Variants in SLC25A26 observed in about 807,000 individuals in gnomAD.
The protein encoded by SLC25A26 is mitochondrial S-adenosylmethionine carrier protein.
A neutral mutation model predicts 37.8 loss-of-function variants in SLC25A26; 36 were observed. The ratio of observed to expected loss-of-function variants is 0.95; its 90% CI spans 0.73 to 1.26. The LOEUF (loss-of-function observed/expected upper bound fraction) is 1.26, where lower values mean the gene tolerates loss of function less well. Ranked by LOEUF, SLC25A26 falls within the 50% of genes most tolerant of loss-of-function variation. The pLI is 0.00. For synonymous variants in SLC25A26, 129 were observed against 122.5 expected (o/e 1.05, Z -0.35); for missense variants, 390 against 331.1 (o/e 1.18, Z -1.38).
chr3:66,216,444 G>A (rs1321983323), upstream of SLC25A26, among the ~76,000 whole-genome samples: 3 of 152,124 alleles, frequency 2.0e-5, no homozygotes, highest in Non-Finnish European at 4.4e-5. Flanking sequence ...CCCGGAGGTT[G>A]AGGCTGCAGT....
intron 5 of SLC25A26, among the ~76,000 whole-genome samples, chr3:66,287,029 G>T (rs1000662846): frequency 2.0e-5 from 3 of 152,132 alleles, no homozygotes; most frequent in Non-Finnish European, 1.5e-5. Context: ...GGGTGCGGTG[G>T]CTCACGCCTG....
At chr3:66,305,446 A>G (rs1404052554) in intron 5 of SLC25A26, among the ~76,000 whole-genome samples, 4 of 152,102 alleles carry the variant, frequency 2.6e-5, no homozygotes, top group African/African-American at 9.7e-5. Flanking sequence ...AAGGACTTTT[A>G]TTTATTTATT....
At chr3:66,222,030 GATAA>G (rs1279148825) in intron 1 of SLC25A26, among the ~76,000 whole-genome samples, 1 of 152,004 alleles carries the variant, frequency 6.6e-6, no homozygotes, top group Non-Finnish European at 1.5e-5. Flanking sequence ...TGACTGTTGG[GATAA>G]ATAACAGGTG....
At chr3:66,230,894 A>T (rs564321982) in intron 1 of SLC25A26, among the ~76,000 whole-genome samples, 1 of 150,616 alleles carries the variant, frequency 6.6e-6, no homozygotes, top group East Asian at 2.0e-4. Flanking sequence ...TTAGGAAACA[A>T]CTGGGTGCAG....
At chr3:66,291,395 A>G (rs2074702189) in intron 5 of SLC25A26, among the ~76,000 whole-genome samples, 1 of 152,060 alleles carries the variant, frequency 6.6e-6, no homozygotes, top group African/African-American at 2.4e-5. Context: ...TTGTGATGTT[A>G]GCATGTCTAT....
At chr3:66,220,129 T>A (rs2106858734), upstream of SLC25A26, among the ~76,000 whole-genome samples, 1 of 152,352 alleles carries the variant, frequency 6.6e-6, no homozygotes. Flanking sequence ...GGGCATTAAG[T>A]ATATTTTCAG....
chr3:66,186,282 CATG>C lies in SLC25A26; in HGVS notation c.-353-34457_-353-34455del, dbSNP rs1468605745. On this transcript the variant is annotated intron_variant, in intron 1 of 10. Coordinates refer to the SLC25A26 transcript ENST00000676754. The stretch of plus-strand genomic sequence containing the variant: ...AACCTTTCATACTGACTGTCATCAT[CATG>C]ATATTATCTCACTCTGACCCTGACC... 1.6e-4 allele frequency among the ~76,000 whole-genome samples: 25 copies of C among 152,006 alleles called. No individual in the cohort carries two copies. In the South Asian group the frequency reaches 4.0e-3, roughly 24 times the overall value.
chr3:66,262,924 A>T (rs554421634), intron 4 of SLC25A26, among the ~76,000 whole-genome samples: 1 of 152,214 alleles, frequency 6.6e-6, no homozygotes, highest in African/African-American at 2.4e-5. Context: ...ATACAAAAGG[A>T]TAATTGGCAT....
Position 66,369,487 on chromosome 3 carries a change from C to T in SLC25A26, c.578C>T (p.Ala193Val), listed in dbSNP as rs577577580. 6.2e-7 allele frequency: 1 copy of T among 1,603,092 alleles called. No individual in the cohort carries two copies. Among genetic ancestry groups the T allele is most frequent in the Non-Finnish European group, 8.5e-7 (1 of 1,174,872 alleles). ...AVCGAFAGGF[A>V]AAVTTPLDVA... ...GGTATTATTTGTACAGGTGGATTTG[C>T]CGCTGCAGTCACCACCCCTCTAGAC... Residue 193 changes from alanine to valine, a missense_variant, in exon 8 of 10, where the codon GCC (alanine) becomes GTC (valine). Transcript: ENST00000354883.
At chr3:66,351,947 TC>T (rs1340267247) in intron 6 of SLC25A26, among the ~76,000 whole-genome samples, 2 of 152,094 alleles carry the variant, frequency 1.3e-5, no homozygotes, top group Non-Finnish European at 2.9e-5. Context: ...GCCAGAGTGA[TC>T]TTTTAAAGAA....
At chr3:66,162,927 T>A (rs2070380147) in intron 1 of SLC25A26, among the ~76,000 whole-genome samples, 1 of 152,190 alleles carries the variant, frequency 6.6e-6, no homozygotes, top group South Asian at 2.1e-4. Context: ...AGGAACTTGC[T>A]TCATTAAGGC....
At chr3:66,232,064 G>C (rs2072060336) in intron 1 of SLC25A26, among the ~76,000 whole-genome samples, 1 of 152,158 alleles carries the variant, frequency 6.6e-6, no homozygotes, top group Non-Finnish European at 1.5e-5. Flanking sequence ...TGCTGTAGTA[G>C]ACATTCTTGT....
At chr3:66,342,299 G>A (rs945932776) in intron 5 of SLC25A26, among the ~76,000 whole-genome samples, 1 of 152,088 alleles carries the variant, frequency 6.6e-6, no homozygotes, top group Non-Finnish European at 1.5e-5. Context: ...TGCCAATGAC[G>A]AAAGCTTTTA....
At chr3:66,247,544 C>A (rs2072906233) in intron 3 of SLC25A26, among the ~76,000 whole-genome samples, 1 of 152,170 alleles carries the variant, frequency 6.6e-6, no homozygotes, top group South Asian at 2.1e-4. Context: ...CTCCTGGCTT[C>A]AAGCAGTTCT....
intron 9 of SLC25A26, among the ~76,000 whole-genome samples, chr3:66,376,605 T>C (rs7630745): frequency 0.3 from 46,098 of 152,200 alleles, 8,082 homozygotes; most frequent in East Asian, 0.74. Flanking sequence ...ACTGCATACT[T>C]AATAGACTGT....
intron 1 of SLC25A26, among the ~76,000 whole-genome samples, chr3:66,207,853 G>C (rs1006797860): frequency 6.6e-6 from 1 of 152,136 alleles, no homozygotes; most frequent in Non-Finnish European, 1.5e-5. Context: ...GGAAAAGAAA[G>C]GTGGTATAAT....
chr3:66,374,318 C>T (rs998984287), intron 9 of SLC25A26, among the ~76,000 whole-genome samples: 15 of 152,178 alleles, frequency 9.9e-5, no homozygotes, highest in African/African-American at 2.4e-4. Context: ...CAAATATTTT[C>T]ATTATCATAT....
intron 5 of SLC25A26, among the ~76,000 whole-genome samples, chr3:66,290,711 T>G (rs2107505836): frequency 6.6e-6 from 1 of 152,338 alleles, no homozygotes; most frequent in East Asian, 1.9e-4. Flanking sequence ...CTGGATTCGG[T>G]TTGCCAGTAT....
intron 6 of SLC25A26, among the ~76,000 whole-genome samples, chr3:66,352,160 A>T (rs533050428): frequency 6.6e-6 from 1 of 152,162 alleles, no homozygotes; most frequent in East Asian, 1.9e-4. Flanking sequence ...GAGGTGGGAG[A>T]CTTACTTGAG....
Sources: gnomAD v4.1 joint callset for allele counts (sites outside exome capture counted in the v4.1 genomes callset) on GRCh38, gnomAD v4.1.1 for gene constraint, MANE v1.5 for transcripts, NCBI Gene and HGNC (gene_info 2026-07-23, HGNC 2026-07-21) for gene names.